Variants in NEBL observed in about 807,000 individuals in gnomAD.
NEBL encodes LIM and SH3 protein 2.
NEBL carries 122 observed loss-of-function variants against 140.2 expected under a neutral mutation model. The ratio of observed to expected loss-of-function variants is 0.87; its 90% CI spans 0.75 to 1.01. The LOEUF is 1.01. Among genes scored for constraint, NEBL ranks in the 50% least tolerant of loss-of-function variants. The probability of loss-of-function intolerance (pLI) is 0.00; values close to 1 mark genes in which losing one functional copy is unlikely to be tolerated. For missense variants in NEBL, 1,365 were observed against 1,231.3 expected (o/e 1.11, Z -1.62); for synonymous variants, 436 against 398.9 (o/e 1.09, Z -1.11).
At chr10:20,977,197 G>A (rs1023085286) in intron 3 of NEBL, among the ~76,000 whole-genome samples, 8 of 152,118 alleles carry the variant, frequency 5.3e-5, no homozygotes, top group South Asian at 2.1e-4. Flanking sequence ...GATAGAAGCC[G>A]GAAGTCAGCA....
intron 22 of NEBL, among the ~76,000 whole-genome samples, chr10:20,814,609 T>TACACACAC (rs1265684219): frequency 8.9e-4 from 88 of 98,386 alleles, no homozygotes; most frequent in African/African-American, 3.9e-3. Context: ...AACACACACA[T>TACACACAC]ACACACATAC....
At chr10:20,988,440 T>C (rs532011366) in intron 3 of NEBL, among the ~76,000 whole-genome samples, 42 of 152,264 alleles carry the variant, frequency 2.8e-4, no homozygotes, top group African/African-American at 9.6e-4. Flanking sequence ...CAAAAAAAAA[T>C]TGACCAACCC....
chr10:20,844,513 T>C (rs1212010795), intron 12 of NEBL, among the ~76,000 whole-genome samples: 1 of 138,970 alleles, frequency 7.2e-6, no homozygotes, highest in Non-Finnish European at 1.6e-5. Flanking sequence ...TTAAAAAACA[T>C]AAAAAAAAAA....
chr10:21,230,497 T>A (rs992801618), intron 3 of NEBL, among the ~76,000 whole-genome samples: 2 of 152,168 alleles, frequency 1.3e-5, no homozygotes. Flanking sequence ...GATGAATGTG[T>A]CAACAATCTC....
intron 4 of NEBL, among the ~76,000 whole-genome samples, chr10:20,961,452 A>G (rs1323173967): frequency 6.6e-6 from 1 of 152,128 alleles, no homozygotes; most frequent in East Asian, 1.9e-4. Flanking sequence ...TCAAAATGGA[A>G]TAAGGAGATC....
rs147726802 is a variant in NEBL, at chr10:20,862,032, C to T, written c.685-2206G>A. Among the ~76,000 whole-genome samples the T allele has an allele frequency of 1.6e-3, 240 of 152,254 alleles. 2 individuals are homozygous for T. The highest frequency in any genetic ancestry group is 2.7e-3 in the Non-Finnish European group (186 of 68,030). ...ACAAGCCTGTTTTACACACGTTGAA[C>T]ATCTCATATAATTTGTTGAATACTG... On this transcript the variant is annotated intron_variant, in intron 7 of 27. Transcript: ENST00000377122.
chr10:21,225,723 C>A (rs1006329861), intron 3 of NEBL, among the ~76,000 whole-genome samples: 3 of 152,160 alleles, frequency 2.0e-5, no homozygotes, highest in African/African-American at 7.2e-5. Context: ...AAGGCCCAAG[C>A]GCTCTTCAGT....
intron 1 of NEBL, among the ~76,000 whole-genome samples, chr10:21,287,883 C>CA (rs1265328062): frequency 2.6e-5 from 4 of 151,792 alleles, no homozygotes; most frequent in South Asian, 2.1e-4. Context: ...GATCCCAGTG[C>CA]AAAAAACTGT....
At chr10:21,039,311 C>T (rs2131826624) in intron 2 of NEBL, among the ~76,000 whole-genome samples, 1 of 152,152 alleles carries the variant, frequency 6.6e-6, no homozygotes, top group Non-Finnish European at 1.5e-5. Context: ...ATCCCTATGT[C>T]CTGAATGGTA....
chr10:21,076,508 G>A (rs1044104589), intron 2 of NEBL, among the ~76,000 whole-genome samples: 1 of 148,934 alleles, frequency 6.7e-6, no homozygotes, highest in East Asian at 2.0e-4. Flanking sequence ...TCTACTTGTG[G>A]GCATATAACC....
intron 26 of NEBL, among the ~76,000 whole-genome samples, chr10:20,798,949 C>A (rs1207058594): frequency 6.6e-6 from 1 of 152,074 alleles, no homozygotes; most frequent in Non-Finnish European, 1.5e-5. Flanking sequence ...TCTATTGAGA[C>A]TAGGAATACA....
Position 21,198,245 on chromosome 10 carries a change from T to A in NEBL, n.349-25768A>T, listed in dbSNP as rs967218798. 5.5e-4 allele frequency among the ~76,000 whole-genome samples: 83 copies of A among 152,190 alleles called. 1 individual carries two copies. The highest frequency in any genetic ancestry group is 1.5e-5 in the Non-Finnish European group (1 of 68,026). On this transcript the variant is annotated intron_variant and non_coding_transcript_variant, in intron 3 of 8. Transcript: ENST00000675702. ...TAGGTCACCTTGTCCTCTTAGCTCA[T>A]GAGAAAACTGATGTAAACCCCATTT...
chr10:21,242,020 A>G (rs11012611), intron 3 of NEBL, among the ~76,000 whole-genome samples: 44,555 of 151,824 alleles, frequency 0.29, 7,790 homozygotes, highest in African/African-American at 0.49. Flanking sequence ...TGGGCAACAT[A>G]GTGAAACCCC....
At chr10:21,234,687 C>T (rs986705918) in intron 3 of NEBL, among the ~76,000 whole-genome samples, 2 of 152,204 alleles carry the variant, frequency 1.3e-5, no homozygotes, top group Non-Finnish European at 2.9e-5. Context: ...CCCAGAGAAC[C>T]TCAGCCGACT....
chr10:21,173,821 A>G lies in NEBL; in HGVS notation c.13T>C (p.Cys5Arg). The stretch of plus-strand genomic sequence containing the variant: ...TACACGACTTTTCCGCAACGGGCGC[A>G]CTGGGGGTTCATGATCGCGGTTCCC... The change falls in exon 1 of 7, where the codon TGC becomes CGC. Residue 5 changes from cysteine to arginine, a missense_variant. Transcript: ENST00000417816. This position sits in a 1 kb window ranked among gnomAD's most constrained non-coding sequence, Gnocchi z 5.7. 1 of 1,611,742 alleles carries G rather than the reference A, an allele frequency of 6.2e-7. No homozygotes were observed. Among genetic ancestry groups the G allele is most frequent in the Non-Finnish European group, 8.5e-7 (1 of 1,179,562 alleles).
At chr10:20,902,707 G>A (rs1042563782) in intron 4 of NEBL, among the ~76,000 whole-genome samples, 3 of 152,126 alleles carry the variant, frequency 2.0e-5, no homozygotes, top group Non-Finnish European at 2.9e-5. Flanking sequence ...CATTAGTTCA[G>A]TTTTCATAGC....
At chr10:20,859,634 G>T in intron 8 of NEBL, 79 bp downstream of exon 8, 1 of 914,384 alleles carries the variant, frequency 1.1e-6, no homozygotes, top group Non-Finnish European at 1.7e-6. Context: ...CTAAGTATCA[G>T]TAATTACAAC....
chr10:21,271,171 TA>T (rs1273143734), intron 1 of NEBL, among the ~76,000 whole-genome samples: 14 of 152,310 alleles, frequency 9.2e-5, no homozygotes, highest in African/African-American at 3.1e-4. Flanking sequence ...TATACAGCCT[TA>T]AAAAATAAGG....
intron 2 of NEBL, among the ~76,000 whole-genome samples, chr10:21,124,557 C>A (rs1309088600): frequency 6.6e-6 from 1 of 152,108 alleles, no homozygotes; most frequent in Non-Finnish European, 1.5e-5. Flanking sequence ...TTAAGCAGAA[C>A]CCACCACCCA....
Sources: allele counts gnomAD v4.1 joint callset (sites outside exome capture counted in the v4.1 genomes callset), GRCh38; gene constraint gnomAD v4.1.1; non-coding constraint Gnocchi (gnomAD v3.1); transcripts MANE v1.5; gene names NCBI Gene and HGNC (gene_info 2026-07-23, HGNC 2026-07-21).